The following PRKG1 variants were observed in gnomAD, a reference collection of about 807,000 sequenced individuals.
PRKG1 encodes the protein cGMP-dependent protein kinase 1.
In PRKG1, 35 loss-of-function variants were observed where a neutral mutation model predicts 88.1. The observed-to-expected ratio is 0.40, with a 90% CI of 0.30 to 0.53. PRKG1 has a LOEUF of 0.53. Ranked by LOEUF, PRKG1 falls within the 20% of genes least tolerant of loss-of-function variation. PRKG1 has a pLI of 0.59. For synonymous variants in PRKG1, 303 were observed against 292.5 expected, an observed-to-expected ratio of 1.04 and a Z score of -0.37; for missense variants, 540 against 839.8, an observed-to-expected ratio of 0.64 and a Z score of 4.41.
At chr10:51,309,737 T>C (rs564190576) in intron 2 of PRKG1, among the ~76,000 whole-genome samples, 52 of 152,034 alleles carry the variant, frequency 3.4e-4, no homozygotes, top group Non-Finnish European at 6.8e-4. Context: ...GCAATACCAC[T>C]ACTGGGTATC....
At position 52,195,209 on chromosome 10, in the gene PRKG1, C is replaced by T. The variant is rs536132030; in HGVS notation, c.1076+33246C>T. 2.2e-5 allele frequency among the ~76,000 whole-genome samples: 3 copies of T among 137,430 alleles called. No individual in the cohort carries two copies. The South Asian group carries it at 7.5e-4, about 34-fold the overall frequency. The allele number at this position is 137,430 out of a possible 152,430, so 90.2% of individuals were successfully genotyped here. ...CTCAAAGTGAGCTGGTTTAATGCCA[C>T]TGCTTTTCATGTTTCCTGTTTTTGT... On this transcript the variant is annotated intron_variant, in intron 9 of 17. Coordinates refer to ENST00000373980, the MANE Select transcript of PRKG1 (RefSeq NM_006258.4).
At chr10:51,011,731 C>T (rs933591376) in intron 1 of PRKG1, among the ~76,000 whole-genome samples, 1 of 152,206 alleles carries the variant, frequency 6.6e-6, no homozygotes, top group Admixed American at 6.5e-5. Flanking sequence ...ATGTGCCATT[C>T]TTGCCTTACT....
chr10:51,641,748 C>G (rs1467468453), intron 3 of PRKG1, among the ~76,000 whole-genome samples: 1 of 152,132 alleles, frequency 6.6e-6, no homozygotes, highest in Non-Finnish European at 1.5e-5. Flanking sequence ...TTGTACTCAT[C>G]GCCGTTCTTT....
At chr10:51,170,434 G>GTATA (rs112008802) in intron 2 of PRKG1, among the ~76,000 whole-genome samples, 1,283 of 119,566 alleles carry the variant, frequency 0.011, 9 homozygotes, top group Non-Finnish European at 0.013. Flanking sequence ...AAATGTCTGG[G>GTATA]TATACACACA....
intron 2 of PRKG1, among the ~76,000 whole-genome samples, chr10:51,451,291 T>TTG (rs67349531): frequency 0.2 from 29,904 of 151,354 alleles, 3,848 homozygotes; most frequent in Middle Eastern, 0.29. Flanking sequence ...ACTTTTTTTT[T>TTG]TTGGTGACAA....
intron 5 of PRKG1, among the ~76,000 whole-genome samples, chr10:51,966,303 A>C (rs1317614211): frequency 6.6e-6 from 1 of 152,086 alleles, no homozygotes. Context: ...TAAGCAGCTT[A>C]GTGAGGAACC....
intron 2 of PRKG1, among the ~76,000 whole-genome samples, chr10:51,154,539 C>T (rs1846158117): frequency 6.6e-6 from 1 of 151,948 alleles, no homozygotes; most frequent in Admixed American, 6.6e-5. Context: ...AACACCACAA[C>T]ATAATAATAA....
At chr10:51,610,645 TA>T (rs1490495121) in intron 3 of PRKG1, among the ~76,000 whole-genome samples, 6 of 152,112 alleles carry the variant, frequency 3.9e-5, no homozygotes, top group Non-Finnish European at 8.8e-5. Context: ...CCATCAATGA[TA>T]GACTGGATAA....
At chr10:52,076,618 A>T (rs1244125626) in intron 7 of PRKG1, among the ~76,000 whole-genome samples, 1 of 152,208 alleles carries the variant, frequency 6.6e-6, no homozygotes. Flanking sequence ...GTTTTTTGAC[A>T]AACACTATTT....
At chr10:51,080,142 G>T (rs960308281) in intron 1 of PRKG1, among the ~76,000 whole-genome samples, 1 of 152,060 alleles carries the variant, frequency 6.6e-6, no homozygotes, top group Non-Finnish European at 1.5e-5. Context: ...ATGAAGTCCC[G>T]GGAGCATTTA....
chr10:51,697,987 T>C, intron 3 of PRKG1: 1 of 1,610,504 alleles, frequency 6.2e-7, no homozygotes, highest in Non-Finnish European at 8.5e-7. Flanking sequence ...CTTGTATGCC[T>C]GCTCCCTGCA....
chr10:52,025,595 A>G (rs566320059), intron 5 of PRKG1, among the ~76,000 whole-genome samples: 2 of 152,010 alleles, frequency 1.3e-5, no homozygotes, highest in Non-Finnish European at 2.9e-5. Flanking sequence ...TCCTTTCCCC[A>G]TTTCTTGTCT....
At chr10:51,779,744 T>C (rs987585701) in intron 3 of PRKG1, among the ~76,000 whole-genome samples, 12 of 152,110 alleles carry the variant, frequency 7.9e-5, no homozygotes, top group Admixed American at 7.9e-4. Flanking sequence ...CTGTTTGCAG[T>C]TGTGACCTGG....
intron 5 of PRKG1, among the ~76,000 whole-genome samples, chr10:52,005,847 C>G (rs1296078598): frequency 6.6e-6 from 1 of 152,160 alleles, no homozygotes; most frequent in South Asian, 2.1e-4. Context: ...TCAGTTGCAA[C>G]CTCATGTTTT....
chr10:52,107,610 C>A (rs1051992490), intron 7 of PRKG1, among the ~76,000 whole-genome samples: 1 of 152,132 alleles, frequency 6.6e-6, no homozygotes, highest in Non-Finnish European at 1.5e-5. Flanking sequence ...AAATGTTGCA[C>A]TTTGTCTCCT....
chr10:52,271,327 A>C (rs747513618), intron 10 of PRKG1, 23 bp from the exon 11 acceptor site: 2 of 1,607,790 alleles, frequency 1.2e-6, no homozygotes, highest in Non-Finnish European at 1.7e-6. Context: ...GCTTTTTCTT[A>C]CTCTCTTCTC....
intron 4 of PRKG1, among the ~76,000 whole-genome samples, chr10:51,836,271 A>G (rs1322607285): frequency 6.6e-6 from 1 of 152,178 alleles, no homozygotes; most frequent in Non-Finnish European, 1.5e-5. Context: ...AGAACACACA[A>G]TAGGGAAAGG....
intron 2 of PRKG1, among the ~76,000 whole-genome samples, chr10:51,307,917 GTT>G (rs755777403): frequency 6.6e-6 from 1 of 152,110 alleles, no homozygotes; most frequent in Admixed American, 6.6e-5. Context: ...GTTTCACCAA[GTT>G]TTTGGTTGTC....
intron 2 of PRKG1, among the ~76,000 whole-genome samples, chr10:51,347,612 C>T (rs1842142893): frequency 6.6e-6 from 1 of 151,968 alleles, no homozygotes. Flanking sequence ...TATGGATAGT[C>T]AGATGAACTT....
Sources: allele counts gnomAD v4.1 joint callset (sites outside exome capture counted in the v4.1 genomes callset), GRCh38; gene constraint gnomAD v4.1.1; transcripts MANE v1.5; gene names NCBI Gene and HGNC (gene_info 2026-07-23, HGNC 2026-07-21).